The following ALDH1L1 variants were observed in gnomAD, a reference collection of about 807,000 sequenced individuals.
ALDH1L1 encodes aldehyde dehydrogenase 1 family member L1, also known as cytosolic 10-formyltetrahydrofolate dehydrogenase.
Under a neutral mutation model 101.1 loss-of-function variants are expected in ALDH1L1, and 68 were observed. The observed-to-expected ratio is 0.67, with a 90% CI of 0.55 to 0.82. The LOEUF is 0.82. Ranked by LOEUF, ALDH1L1 falls within the 40% of genes least tolerant of loss-of-function variation. ALDH1L1 has a pLI of 0.00. For missense variants in ALDH1L1, 1,087 were observed against 1,172.7 expected, an observed-to-expected ratio of 0.93 and a Z score of 1.07; for synonymous variants, 486 against 470.8, an observed-to-expected ratio of 1.03 and a Z score of -0.42.
chr3:126,155,553 T>C, intron 4 of ALDH1L1, 50 bp from the exon 5 acceptor site: 2 of 1,519,394 alleles, frequency 1.3e-6, no homozygotes, highest in Non-Finnish European at 8.9e-7. Flanking sequence ...CCCTGCCTCC[T>C]TCCCAGCCCC....
chr3:126,147,694 T>C (rs1011205239), intron 8 of ALDH1L1, among the ~76,000 whole-genome samples: 1 of 152,098 alleles, frequency 6.6e-6, no homozygotes, highest in African/African-American at 2.4e-5. Flanking sequence ...CAGGCCATTG[T>C]CAATCATGGG....
rs115328626 is a variant in ALDH1L1 at position 126,130,014 on chromosome 3, C to A, written c.1694+209G>T. The A allele has an allele frequency of 2.9e-3, 1,225 of 429,232 alleles. 16 individuals carry two copies. Among genetic ancestry groups the A allele is most frequent in the African/African-American group, 0.023 (1,132 of 49,100 alleles). The allele number at this position is 429,232 out of a possible 1,614,324, so 26.6% of individuals were successfully genotyped here. A position where few individuals can be genotyped will look rare whatever the true frequency, so the allele number is the denominator to read the frequency against. ...CTCTTGTTTCCCACCGTGGACCTGA[C>A]TGATCCAGTGTTACTGGGAGATTAA... On this transcript the variant is annotated intron_variant, in intron 14 of 22. Transcript: ENST00000393434.
intron 1 of ALDH1L1, among the ~76,000 whole-genome samples, chr3:126,168,444 A>G (rs1446015049): frequency 2.0e-5 from 3 of 152,168 alleles, no homozygotes; most frequent in African/African-American, 7.2e-5. Context: ...GTAAAATTTA[A>G]CTTTCTCTCT....
At chr3:126,180,667 G>C (rs1227493561), upstream of ALDH1L1, 1 of 1,346,590 alleles carries the variant, frequency 7.4e-7, no homozygotes, top group Non-Finnish European at 9.6e-7. Flanking sequence ...CAGCCGAGTG[G>C]GGGCGGCGCT....
chr3:126,180,963 T>A (rs759186427), upstream of ALDH1L1: 25 of 1,610,770 alleles, frequency 1.6e-5, no homozygotes, highest in Non-Finnish European at 2.1e-5. Context: ...GCCAAGTACC[T>A]GCCATGTGCT....
chr3:126,190,312 A>G (rs2081544450), intron 1 of ALDH1L1, among the ~76,000 whole-genome samples: 2 of 152,230 alleles, frequency 1.3e-5, no homozygotes, highest in Admixed American at 6.5e-5. Flanking sequence ...GGGTTTGACA[A>G]ATCAAACATT....
intron 9 of ALDH1L1, among the ~76,000 whole-genome samples, chr3:126,146,488 G>C (rs2080684306): frequency 6.6e-6 from 1 of 152,096 alleles, no homozygotes; most frequent in South Asian, 2.1e-4. Context: ...AATGTTTTGG[G>C]GTGCTTTGTT....
chr3:126,175,162 C>T (rs920745635), intron 1 of ALDH1L1, among the ~76,000 whole-genome samples: 10 of 152,082 alleles, frequency 6.6e-5, no homozygotes, highest in African/African-American at 2.4e-4. Flanking sequence ...GAAACAATCC[C>T]TTGAAAGTAC....
At chr3:126,129,127 G>T (rs2080246390) in intron 14 of ALDH1L1, 1 of 152,428 alleles carries the variant, frequency 6.6e-6, no homozygotes, top group African/African-American at 2.4e-5. Context: ...TGTCCTCTGT[G>T]GGGACCCTGG....
chr3:126,143,209 C>T (rs531316341), intron 9 of ALDH1L1, among the ~76,000 whole-genome samples: 15 of 152,254 alleles, frequency 9.9e-5, no homozygotes, highest in African/African-American at 2.6e-4. Context: ...CTACTGAATT[C>T]GTATCATGTT....
chr3:126,150,261 G>A (rs1341005119), intron 8 of ALDH1L1, 145 bp downstream of exon 8: 7 of 1,326,690 alleles, frequency 5.3e-6, no homozygotes, highest in African/African-American at 3.0e-5. Flanking sequence ...GCTCCAAGAC[G>A]AGATAGAACC....
Position 126,194,741 on chromosome 3 carries a change from C to T in ALDH1L1, c.-24+2994G>A, listed in dbSNP as rs141484394. On this transcript the variant is annotated intron_variant, in intron 1 of 2. Coordinates refer to the ALDH1L1 transcript ENST00000509952. Reference sequence around the variant, plus strand: ...TCTAATTTGAAACAATCCTTTAGCCCTCTAAACTAGGCAAAAATTTACATT... The same window carrying T: ...TCTAATTTGAAACAATCCTTTAGCCTTCTAAACTAGGCAAAAATTTACATT... 4.3e-3 allele frequency among the ~76,000 whole-genome samples: 649 copies of T among 152,190 alleles called. 5 individuals carry two copies. Among genetic ancestry groups the T allele is most frequent in the Non-Finnish European group, 6.3e-3 (431 of 67,988 alleles).
chr3:126,147,684 C>T (rs975314636), intron 8 of ALDH1L1, among the ~76,000 whole-genome samples: 4 of 152,180 alleles, frequency 2.6e-5, no homozygotes, highest in African/African-American at 9.7e-5. Flanking sequence ...GGATGAACTC[C>T]AGGCCATTGT....
chr3:126,179,498 T>TCAAACAAA (rs74555685), intron 1 of ALDH1L1, among the ~76,000 whole-genome samples: 33,628 of 151,612 alleles, frequency 0.22, 4,117 homozygotes, highest in African/African-American at 0.33. Flanking sequence ...AGACTCTGTC[T>TCAAACAAA]CAAACAAACA....
chr3:126,128,865 G>C (rs1201748463), intron 14 of ALDH1L1: 1 of 152,262 alleles, frequency 6.6e-6, no homozygotes, highest in African/African-American at 2.4e-5. Context: ...AGCTGGGAGG[G>C]GTGGGCAGCC....
intron 7 of ALDH1L1, chr3:126,151,849 G>T: frequency 6.2e-6 from 1 of 162,076 alleles, no homozygotes. Context: ...GGGTGTGTGT[G>T]CTCAGCTGGT....
chr3:126,104,883 A>T (rs1945808260), intron 22 of ALDH1L1: 1 of 152,650 alleles, frequency 6.6e-6, no homozygotes, highest in Non-Finnish European at 1.5e-5. Flanking sequence ...GACAGGTGGG[A>T]CCTCTGAGAC....
chr3:126,169,291 G>A (rs756806528), intron 1 of ALDH1L1, among the ~76,000 whole-genome samples: 3 of 152,094 alleles, frequency 2.0e-5, no homozygotes, highest in African/African-American at 4.8e-5. Context: ...AATTTAAAGC[G>A]TGTTTTTTTC....
intron 1 of ALDH1L1, among the ~76,000 whole-genome samples, chr3:126,168,769 T>G (rs761879996): frequency 6.6e-6 from 1 of 152,144 alleles, no homozygotes; most frequent in Non-Finnish European, 1.5e-5. Flanking sequence ...ATAGGTTATA[T>G]TCTAAGGAAT....
Sources: gnomAD v4.1 joint callset for allele counts (sites outside exome capture counted in the v4.1 genomes callset) on GRCh38, gnomAD v4.1.1 for gene constraint, MANE v1.5 for transcripts, NCBI Gene and HGNC (gene_info 2026-07-23, HGNC 2026-07-21) for gene names.